Variants in ZFAND3 observed in about 807,000 individuals in gnomAD.
ZFAND3 encodes the protein zinc finger AN1-type containing 3.
ZFAND3 carries 10 observed loss-of-function variants against 29.6 expected under a neutral mutation model. The ratio of observed to expected loss-of-function variants is 0.34; its 90% CI spans 0.21 to 0.57. The LOEUF is 0.57. ZFAND3 is among the 20% of genes least tolerant of loss of function. The pLI, the probability that ZFAND3 is intolerant of heterozygous loss-of-function variation, is 0.86. For missense variants in ZFAND3, 230 were observed against 304.5 expected, an observed-to-expected ratio of 0.76 and a Z score of 1.82; for synonymous variants, 128 against 112.6, an observed-to-expected ratio of 1.14 and a Z score of -0.87.
intron 1 of ZFAND3, among the ~76,000 whole-genome samples, chr6:37,844,318 G>A (rs183520704): frequency 6.6e-6 from 1 of 151,980 alleles, no homozygotes; most frequent in Non-Finnish European, 1.5e-5. Context: ...GTCTTGCCCT[G>A]TCGCCCAGGC....
chr6:38,148,232 A>G (rs1766149782), intron 5 of ZFAND3, among the ~76,000 whole-genome samples: 1 of 152,114 alleles, frequency 6.6e-6, no homozygotes, highest in Admixed American at 6.5e-5. Flanking sequence ...TCCCAGTGTA[A>G]GTTCTCATTG....
At chr6:38,072,331 G>T (rs570824349) in intron 3 of ZFAND3, among the ~76,000 whole-genome samples, 1 of 152,294 alleles carries the variant, frequency 6.6e-6, no homozygotes, top group African/African-American at 2.4e-5. Flanking sequence ...GAAGTCTGCA[G>T]ATCTGAAAGG....
intron 2 of ZFAND3, among the ~76,000 whole-genome samples, chr6:37,931,537 C>T (rs1179193838): frequency 8.5e-5 from 12 of 141,670 alleles, no homozygotes; most frequent in African/African-American, 2.1e-4. Context: ...AGTGAGACTC[C>T]GTCTCAAAAA....
intron 2 of ZFAND3, among the ~76,000 whole-genome samples, chr6:38,013,198 A>G (rs561598095): frequency 1.3e-5 from 2 of 152,240 alleles, no homozygotes; most frequent in East Asian, 1.9e-4. Context: ...TATGTCCTGT[A>G]TTTTCAACTT....
intron 4 of ZFAND3, among the ~76,000 whole-genome samples, chr6:38,104,894 C>G (rs1002341879): frequency 6.6e-6 from 1 of 152,076 alleles, no homozygotes; most frequent in African/African-American, 2.4e-5. Context: ...TAATAAGGTA[C>G]TCTTATGGGA....
Position 37,959,225 on chromosome 6 carries a change from A to G in ZFAND3, c.112+29226A>G, listed in dbSNP as rs374315373. On this transcript the variant is annotated intron_variant, in intron 2 of 5. Coordinates refer to ENST00000287218, the MANE Select transcript of ZFAND3 (RefSeq NM_021943.3). ...AACACAACACAGTGGTTTGTAAATCAGGCTCCAGTCTAGTTCTGTGACATT... is the reference window on the plus strand; with the variant it reads ...AACACAACACAGTGGTTTGTAAATCGGGCTCCAGTCTAGTTCTGTGACATT... 3.3e-5 allele frequency among the ~76,000 whole-genome samples: 5 copies of G among 152,380 alleles called. No individual in the cohort carries two copies. In the East Asian group the frequency reaches 9.6e-4, roughly 29 times the overall value.
At chr6:37,958,403 G>T (rs1762137533) in intron 2 of ZFAND3, among the ~76,000 whole-genome samples, 1 of 148,252 alleles carries the variant, frequency 6.7e-6, no homozygotes, top group African/African-American at 2.5e-5. Context: ...ACAGTGAGCT[G>T]AGATTGTGCC....
At chr6:38,132,001 T>A (rs1562011155) in intron 5 of ZFAND3, among the ~76,000 whole-genome samples, 1 of 152,132 alleles carries the variant, frequency 6.6e-6, no homozygotes, top group Non-Finnish European at 1.5e-5. Context: ...ACGAAAAAGA[T>A]CCAGATAGAG....
chr6:38,112,006 GTC>G (rs1394855085), intron 4 of ZFAND3, among the ~76,000 whole-genome samples: 4 of 152,162 alleles, frequency 2.6e-5, no homozygotes, highest in Non-Finnish European at 4.4e-5. Context: ...TGCAGTACTT[GTC>G]TCTCTGTCGA....
chr6:37,830,837 T>C (rs1165308353), intron 1 of ZFAND3, among the ~76,000 whole-genome samples: 2 of 152,218 alleles, frequency 1.3e-5, no homozygotes, highest in Non-Finnish European at 2.9e-5. Flanking sequence ...CACAAGCCCT[T>C]CTTTTTTAAA....
intron 1 of ZFAND3, among the ~76,000 whole-genome samples, chr6:37,879,857 T>G (rs1169700838): frequency 6.6e-6 from 1 of 152,216 alleles, no homozygotes; most frequent in African/African-American, 2.4e-5. Flanking sequence ...CATGAAGATG[T>G]TGGCTTGGAA....
intron 2 of ZFAND3, among the ~76,000 whole-genome samples, chr6:37,992,174 C>G (rs895937315): frequency 6.6e-6 from 1 of 152,124 alleles, no homozygotes; most frequent in African/African-American, 2.4e-5. Flanking sequence ...TTGAAGGGCT[C>G]TCTTTTGAAT....
intron 1 of ZFAND3, among the ~76,000 whole-genome samples, chr6:37,841,170 G>A (rs1275036883): frequency 2.0e-5 from 3 of 152,122 alleles, no homozygotes; most frequent in African/African-American, 7.2e-5. Flanking sequence ...ATGAAAGAGG[G>A]TATTTTAAGA....
chr6:38,090,973 ATACT>A (rs1333571598), intron 4 of ZFAND3, among the ~76,000 whole-genome samples: 1 of 152,192 alleles, frequency 6.6e-6, no homozygotes, highest in African/African-American at 2.4e-5. Flanking sequence ...TCAGTTTGCT[ATACT>A]TAAAGTCAAA....
intron 4 of ZFAND3, among the ~76,000 whole-genome samples, chr6:38,088,788 G>A (rs545162682): frequency 6.6e-6 from 1 of 152,278 alleles, no homozygotes; most frequent in Non-Finnish European, 1.5e-5. Flanking sequence ...TGTTTAAAAT[G>A]TGATTATAAT....
chr6:37,943,248 A>G (rs1003561368), intron 2 of ZFAND3, among the ~76,000 whole-genome samples: 2 of 152,296 alleles, frequency 1.3e-5, no homozygotes, highest in African/African-American at 4.8e-5. Context: ...CAGTATTACT[A>G]AATGCCCTGT....
At chr6:37,934,290 C>T (rs77407344) in intron 2 of ZFAND3, among the ~76,000 whole-genome samples, 1,985 of 151,878 alleles carry the variant, frequency 0.013, 21 homozygotes, top group Non-Finnish European at 0.019. Flanking sequence ...TCAAGCGATT[C>T]CAAAGGACTT....
chr6:37,856,127 T>C (rs1055684169), intron 1 of ZFAND3, among the ~76,000 whole-genome samples: 1 of 152,020 alleles, frequency 6.6e-6, no homozygotes, highest in Non-Finnish European at 1.5e-5. Flanking sequence ...CCTGAGTAGC[T>C]GGGACAACAA....
intron 2 of ZFAND3, among the ~76,000 whole-genome samples, chr6:38,005,823 G>A (rs1763038223): frequency 6.6e-6 from 1 of 152,176 alleles, no homozygotes; most frequent in Non-Finnish European, 1.5e-5. Flanking sequence ...TTGACCACTT[G>A]AGTGTTGTTA....
Sources: allele counts gnomAD v4.1 joint callset (sites outside exome capture counted in the v4.1 genomes callset), GRCh38; gene constraint gnomAD v4.1.1; transcripts MANE v1.5; gene names NCBI Gene and HGNC (gene_info 2026-07-23, HGNC 2026-07-21).